The following ABCB1 variants were observed in gnomAD, a reference collection of about 807,000 sequenced individuals.
ABCB1 encodes ATP-dependent translocase ABCB1.
In ABCB1, 69 loss-of-function variants were observed where a neutral mutation model predicts 142.0. That is an observed-to-expected ratio of 0.49 (90% CI 0.40 to 0.59). ABCB1 has a LOEUF of 0.59. Among genes scored for constraint, ABCB1 ranks in the 20% least tolerant of loss-of-function variants. The pLI is 0.00. For missense variants in ABCB1, 1,326 were observed against 1,554.7 expected, an observed-to-expected ratio of 0.85 and a Z score of 2.47; for synonymous variants, 532 against 539.2, an observed-to-expected ratio of 0.99 and a Z score of 0.18.
At chr7:87,654,807 C>T (rs1185360018) in intron 1 of ABCB1, among the ~76,000 whole-genome samples, 3 of 152,048 alleles carry the variant, frequency 2.0e-5, no homozygotes, top group East Asian at 1.9e-4. Context: ...AACCACACAT[C>T]GGATAAGGGG....
At chr7:87,684,431 C>T (rs546406138) in intron 1 of ABCB1, among the ~76,000 whole-genome samples, 1 of 152,202 alleles carries the variant, frequency 6.6e-6, no homozygotes, top group South Asian at 2.1e-4. Context: ...TTAAGACTTA[C>T]TGTTAAGATG....
intron 1 of ABCB1, among the ~76,000 whole-genome samples, chr7:87,705,226 A>C (rs1175484733): frequency 6.6e-6 from 1 of 152,188 alleles, no homozygotes; most frequent in African/African-American, 2.4e-5. Flanking sequence ...GCAGTTCCAG[A>C]CTAGCCTGGC....
chr7:87,561,961 G>C (rs1411812383), intron 7 of ABCB1, among the ~76,000 whole-genome samples: 5 of 152,120 alleles, frequency 3.3e-5, no homozygotes, highest in Non-Finnish European at 4.4e-5. Flanking sequence ...AGTCCAGCCT[G>C]GGCAACAGAG....
Position 87,504,144 on chromosome 7 carries a change from T to C in ABCB1, c.*99A>G, listed in dbSNP as rs200746556. The C allele has an allele frequency of 3.4e-6, 5 of 1,465,960 alleles. No individual in the cohort carries two copies. In the African/African-American group the frequency reaches 5.6e-5, roughly 16 times the overall value. 90.8% of individuals were successfully genotyped at this position (1,465,960 alleles called of 1,614,324 possible). A position where few individuals can be genotyped will look rare whatever the true frequency, so the allele number is the denominator to read the frequency against. On this transcript the variant is annotated 3_prime_UTR_variant, in exon 28 of 28. Transcript: ENST00000622132. ...CTTGACTGAGGAAATGTTAAACAGA[T>C]ACCTCTTCATAATTCTGTAAGTGTT...
chr7:87,582,322 C>G (rs1013999057), intron 4 of ABCB1, among the ~76,000 whole-genome samples: 2 of 152,204 alleles, frequency 1.3e-5, no homozygotes, highest in African/African-American at 4.8e-5. Context: ...GGAAGCCTCC[C>G]ATGATTCCTC....
At chr7:87,612,055 T>A (rs1042527556) in intron 1 of ABCB1, among the ~76,000 whole-genome samples, 3 of 152,192 alleles carry the variant, frequency 2.0e-5, no homozygotes, top group Non-Finnish European at 4.4e-5. Context: ...GCACAGGTAG[T>A]ATTATGATTA....
At chr7:87,702,442 C>G (rs921306689) in intron 1 of ABCB1, among the ~76,000 whole-genome samples, 5 of 151,828 alleles carry the variant, frequency 3.3e-5, no homozygotes, top group African/African-American at 1.2e-4. Context: ...CCATGCCTGG[C>G]AAATGTTTTA....
At chr7:87,692,287 C>CA (rs976584029) in intron 1 of ABCB1, among the ~76,000 whole-genome samples, 34 of 151,736 alleles carry the variant, frequency 2.2e-4, no homozygotes, top group South Asian at 8.3e-4. Context: ...CTGGTCTCTA[C>CA]AAAAAAAACA....
chr7:87,521,024 A>C (rs1399462310), intron 21 of ABCB1, 148 bp from the exon 22 acceptor site: 2 of 673,314 alleles, frequency 3.0e-6, no homozygotes, highest in Non-Finnish European at 5.2e-6. Context: ...AAAGATACTA[A>C]GTAATTTATC....
intron 1 of ABCB1, chr7:87,650,818 A>G (rs878871096): frequency 7.0e-6 from 11 of 1,568,360 alleles, no homozygotes; most frequent in African/African-American, 1.4e-5. Flanking sequence ...TCTTTTTTTC[A>G]TAGGTTTTCT....
At chr7:87,689,127 A>T (rs1585108423) in intron 1 of ABCB1, among the ~76,000 whole-genome samples, 1 of 152,074 alleles carries the variant, frequency 6.6e-6, no homozygotes, top group East Asian at 1.9e-4. Flanking sequence ...AAAGAAGATG[A>T]TACTATGAAA....
intron 20 of ABCB1, among the ~76,000 whole-genome samples, chr7:87,532,427 G>T (rs1049010865): frequency 3.9e-5 from 6 of 152,156 alleles, no homozygotes; most frequent in African/African-American, 1.4e-4. Context: ...ACAAGCTGTG[G>T]TAAAGAAGCC....
At chr7:87,597,133 T>C (rs1819240903) in intron 2 of ABCB1, among the ~76,000 whole-genome samples, 1 of 152,006 alleles carries the variant, frequency 6.6e-6, no homozygotes, top group African/African-American at 2.4e-5. Context: ...AATATTTAAA[T>C]GCCAAGTCTG....
rs949936708 is a variant in ABCB1 at position 87,503,292 on chromosome 7, A to T, written c.*951T>A. Among the ~76,000 whole-genome samples, 6 of 152,020 alleles carry T rather than the reference A, an allele frequency of 3.9e-5. No individual in the cohort carries two copies. Among genetic ancestry groups the T allele is most frequent in the Non-Finnish European group, 7.4e-5 (5 of 67,972 alleles). ...AATGCTTTTTGGCTAATTTAAAAAA[A>T]TTTGTCGTCCAGAGTCCCAACCTTT... On this transcript the variant is annotated 3_prime_UTR_variant, in exon 28 of 28. Transcript: ENST00000622132.
Position 87,553,748 on chromosome 7 carries a change from G to A in ABCB1, c.999+13C>T, listed in dbSNP as rs1584875210. 6.2e-7 allele frequency: 1 copy of A among 1,612,430 alleles called. No homozygotes were observed. The highest frequency in any genetic ancestry group is 8.5e-7 in the Non-Finnish European group (1 of 1,178,524). ...TTATAATAATGGTTCATTTCTCAAT[G>A]TAAACCACTTACAGTGAGTACTTGT... On this transcript the variant is annotated intron_variant, in intron 9 of 27. Coordinates refer to ENST00000622132, the MANE Select transcript of ABCB1 (RefSeq NM_001348946.2).
At chr7:87,620,232 C>T (rs1820177481) in intron 1 of ABCB1, among the ~76,000 whole-genome samples, 2 of 151,946 alleles carry the variant, frequency 1.3e-5, no homozygotes, top group Admixed American at 1.3e-4. Flanking sequence ...ACGATCTTGA[C>T]TCACTGCAAC....
intron 1 of ABCB1, among the ~76,000 whole-genome samples, chr7:87,702,665 TC>T (rs1829199672): frequency 6.6e-6 from 1 of 152,164 alleles, no homozygotes; most frequent in African/African-American, 2.4e-5. Context: ...ACATAAAACT[TC>T]CTTGGGGTCC....
At chr7:87,626,355 GTGTCATATA>G (rs1820534268) in intron 1 of ABCB1, among the ~76,000 whole-genome samples, 1 of 28,770 alleles carries the variant, frequency 3.5e-5, no homozygotes, top group Non-Finnish European at 5.2e-5. Flanking sequence ...TCATATATAT[GTGTCATATA>G]TATGTGTCAT....
chr7:87,601,176 T>C (rs962442683), upstream of ABCB1: 2 of 152,162 alleles, frequency 1.3e-5, no homozygotes, highest in African/African-American at 4.8e-5. Context: ...AGTCTTCATA[T>C]CCATATAACT....
Sources: allele counts gnomAD v4.1 joint callset (sites outside exome capture counted in the v4.1 genomes callset), GRCh38; gene constraint gnomAD v4.1.1; transcripts MANE v1.5; gene names NCBI Gene and HGNC (gene_info 2026-07-23, HGNC 2026-07-21).